PTPRR: variants seen among roughly 807,000 people sequenced by gnomAD.
PTPRR encodes protein tyrosine phosphatase receptor type R.
Under a neutral mutation model 77.2 loss-of-function variants are expected in PTPRR, and 38 were observed. That is an observed-to-expected ratio of 0.49 (90% CI 0.38 to 0.65). The LOEUF is 0.65. PTPRR is among the 30% of genes least tolerant of loss of function. The probability of loss-of-function intolerance (pLI) is 0.00; values close to 1 mark genes in which losing one functional copy is unlikely to be tolerated. For synonymous variants in PTPRR, 299 were observed against 283.1 expected, an observed-to-expected ratio of 1.06 and a Z score of -0.57; for missense variants, 744 against 799.2, an observed-to-expected ratio of 0.93 and a Z score of 0.83.
chr12:70,764,892 C>T, intron 2 of PTPRR, 114 bp from the exon 3 acceptor site: 1 of 719,588 alleles, frequency 1.4e-6, no homozygotes, highest in Non-Finnish European at 2.4e-6. Context: ...TGACTCATGA[C>T]TGACCACAGT....
At chr12:70,713,462 A>G (rs1888905544) in intron 6 of PTPRR, among the ~76,000 whole-genome samples, 1 of 152,132 alleles carries the variant, frequency 6.6e-6, no homozygotes, top group Non-Finnish European at 1.5e-5. Flanking sequence ...CTTTTTGAGA[A>G]ACTACCAAAT....
intron 1 of PTPRR, among the ~76,000 whole-genome samples, chr12:70,904,635 T>C (rs571438776): frequency 6.6e-6 from 1 of 152,066 alleles, no homozygotes; most frequent in Non-Finnish European, 1.5e-5. Context: ...TCTATACATG[T>C]GTGAAAATTC....
chr12:70,854,905 A>G (rs1350052599), intron 2 of PTPRR, among the ~76,000 whole-genome samples: 2 of 152,222 alleles, frequency 1.3e-5, no homozygotes, highest in Non-Finnish European at 2.9e-5. Context: ...GATAAATATT[A>G]GCTGCTATTT....
intron 2 of PTPRR, among the ~76,000 whole-genome samples, chr12:70,816,500 C>G (rs1249603095): frequency 1.3e-5 from 2 of 151,934 alleles, no homozygotes; most frequent in African/African-American, 4.8e-5. Flanking sequence ...AAAAAACATT[C>G]AAAATTTATT....
At chr12:70,818,411 T>C (rs1394624036) in intron 2 of PTPRR, among the ~76,000 whole-genome samples, 1 of 152,116 alleles carries the variant, frequency 6.6e-6, no homozygotes, top group Non-Finnish European at 1.5e-5. Flanking sequence ...CAATGGGGAA[T>C]CTAGATGAAT....
intron 8 of PTPRR, among the ~76,000 whole-genome samples, chr12:70,692,280 C>A (rs2136757404): frequency 6.6e-6 from 1 of 152,218 alleles, no homozygotes; most frequent in East Asian, 1.9e-4. Context: ...ATTGATAATT[C>A]AGTTTAGAGC....
chr12:70,788,410 G>A (rs1043336761), intron 2 of PTPRR, among the ~76,000 whole-genome samples: 6 of 152,112 alleles, frequency 3.9e-5, no homozygotes, highest in Admixed American at 1.3e-4. Flanking sequence ...CTCAATTTTC[G>A]TTTCTAGTTG....
intron 2 of PTPRR, among the ~76,000 whole-genome samples, chr12:70,813,136 A>G (rs556204002): frequency 1.3e-5 from 2 of 152,328 alleles, no homozygotes; most frequent in East Asian, 3.9e-4. Context: ...AGCAGGAACT[A>G]AGCTTTTCAT....
At chr12:70,890,223 T>A (rs1190648836) in intron 2 of PTPRR, among the ~76,000 whole-genome samples, 1 of 152,196 alleles carries the variant, frequency 6.6e-6, no homozygotes, top group African/African-American at 2.4e-5. Flanking sequence ...GAAATCCTAA[T>A]AACAGCTTCT....
intron 6 of PTPRR, among the ~76,000 whole-genome samples, chr12:70,726,565 G>T (rs879055685): frequency 6.9e-6 from 1 of 144,588 alleles, no homozygotes; most frequent in Non-Finnish European, 1.5e-5. Context: ...TATCATCATG[G>T]GATAGTCTGC....
intron 2 of PTPRR, among the ~76,000 whole-genome samples, chr12:70,766,176 C>T (rs1182144813): frequency 6.6e-5 from 10 of 152,234 alleles, no homozygotes; most frequent in African/African-American, 9.6e-5. Flanking sequence ...ATGACTTTGA[C>T]GAGTTGAGAG....
chr12:70,883,069 T>C (rs1189459065), intron 2 of PTPRR, among the ~76,000 whole-genome samples: 1 of 152,294 alleles, frequency 6.6e-6, no homozygotes, highest in South Asian at 2.1e-4. Context: ...AAGACCAGCC[T>C]GGCCAACATA....
At chr12:70,774,556 T>A (rs999569759) in intron 2 of PTPRR, among the ~76,000 whole-genome samples, 1 of 152,236 alleles carries the variant, frequency 6.6e-6, no homozygotes, top group Non-Finnish European at 1.5e-5. Flanking sequence ...TTAGTTGAAA[T>A]TGAAATCATC....
At chr12:70,713,177 C>T (rs996872303) in intron 6 of PTPRR, among the ~76,000 whole-genome samples, 2 of 152,082 alleles carry the variant, frequency 1.3e-5, no homozygotes, top group Admixed American at 6.6e-5. Flanking sequence ...ACTTCTTTTA[C>T]GTAGCATAAA....
At chr12:70,862,561 A>G (rs1341054708) in intron 2 of PTPRR, among the ~76,000 whole-genome samples, 1 of 124,088 alleles carries the variant, frequency 8.1e-6, no homozygotes, top group Non-Finnish European at 1.6e-5. Flanking sequence ...GGACACAGGA[A>G]GGGGAACATC....
chr12:70,817,726 A>C (rs140112556), intron 2 of PTPRR, among the ~76,000 whole-genome samples: 19 of 152,326 alleles, frequency 1.2e-4, no homozygotes, highest in Non-Finnish European at 2.4e-4. Context: ...CTAAGAAAGG[A>C]GATGTGAATA....
At chr12:70,878,494 G>A (rs1395638076) in intron 2 of PTPRR, among the ~76,000 whole-genome samples, 1 of 152,178 alleles carries the variant, frequency 6.6e-6, no homozygotes, top group Admixed American at 6.5e-5. Flanking sequence ...AAAGACACAT[G>A]AAAAAATGCT....
intron 2 of PTPRR, among the ~76,000 whole-genome samples, chr12:70,771,974 A>G (rs1233587969): frequency 6.6e-6 from 1 of 152,178 alleles, no homozygotes; most frequent in Non-Finnish European, 1.5e-5. Context: ...TTAGGAAAAA[A>G]TCTAAATATT....
At chr12:70,862,290 G>T (rs1400781598) in intron 2 of PTPRR, among the ~76,000 whole-genome samples, 3 of 151,866 alleles carry the variant, frequency 2.0e-5, no homozygotes, top group Non-Finnish European at 2.9e-5. Context: ...TGAAGATAAG[G>T]GTACCTTTTC....
Sources: gnomAD v4.1 joint callset for allele counts (sites outside exome capture counted in the v4.1 genomes callset) on GRCh38, gnomAD v4.1.1 for gene constraint, MANE v1.5 for transcripts, NCBI Gene and HGNC (gene_info 2026-07-23, HGNC 2026-07-21) for gene names.